MYO1E: variants seen among roughly 807,000 people sequenced by gnomAD.
MYO1E encodes unconventional myosin-Ie.
Under a neutral mutation model 151.1 loss-of-function variants are expected in MYO1E, and 68 were observed. The ratio of observed to expected loss-of-function variants is 0.45; its 90% CI spans 0.37 to 0.55. The LOEUF (loss-of-function observed/expected upper bound fraction) is 0.55. MYO1E is among the 20% of genes least tolerant of loss of function. The pLI, the probability that MYO1E is intolerant of heterozygous loss-of-function variation, is 0.00. For missense variants in MYO1E, 1,363 were observed against 1,389.3 expected (o/e 0.98, Z 0.30); for synonymous variants, 601 against 501.7 (o/e 1.20, Z -2.64).
chr15:59,159,876 C>T lies in MYO1E; in HGVS notation c.2785+1197G>A, dbSNP rs1596346180. On this transcript the variant is annotated intron_variant, in intron 24 of 27. Coordinates refer to ENST00000288235, the MANE Select transcript of MYO1E (RefSeq NM_004998.4). The surrounding 1 kb of genome is among the most constrained non-coding windows in gnomAD (Gnocchi z 4.4). ...AATTAATTTTTGAGATGGAGTTTCG[C>T]TCTTGTTGCCCAGGCTGGTGTGCAA... 1.3e-5 allele frequency among the ~76,000 whole-genome samples: 2 copies of T among 152,154 alleles called. No individual in the cohort carries two copies. The highest frequency in any genetic ancestry group is 2.4e-5 in the African/African-American group (1 of 41,404).
At chr15:59,207,014 G>A (rs745340906) in intron 14 of MYO1E, 5 of 1,614,112 alleles carry the variant, frequency 3.1e-6, no homozygotes, top group African/African-American at 1.3e-5. Context: ...CTATGCCTGG[G>A]GATGGCCCTG....
At chr15:59,242,757 A>C (rs924994437) in intron 4 of MYO1E, among the ~76,000 whole-genome samples, 1 of 152,184 alleles carries the variant, frequency 6.6e-6, no homozygotes, top group East Asian at 1.9e-4. Context: ...AATGAGAAGA[A>C]ACCTAGCAGA....
chr15:59,239,428 G>C (rs2080086861), intron 4 of MYO1E, among the ~76,000 whole-genome samples: 1 of 151,116 alleles, frequency 6.6e-6, no homozygotes, highest in Non-Finnish European at 1.5e-5. Flanking sequence ...AACAAGCTGG[G>C]AAAGAGAGAG....
At chr15:59,296,257 C>T (rs531376589) in intron 1 of MYO1E, among the ~76,000 whole-genome samples, 1 of 152,340 alleles carries the variant, frequency 6.6e-6, no homozygotes, top group South Asian at 2.1e-4. Context: ...CCCATTTTAA[C>T]TGATGCTTCC....
Position 59,217,417 on chromosome 15 carries a change from G to GA in MYO1E, c.1107+473dup, listed in dbSNP as rs569062129. Among the ~76,000 whole-genome samples, 279 of 150,236 alleles carry GA rather than the reference G, an allele frequency of 1.9e-3. 1 individual carries two copies. Among genetic ancestry groups the GA allele is most frequent in the African/African-American group, 6.4e-3 (263 of 40,874 alleles). ...GTATCTTGGTGGGCAGTTCTAGAAG[G>GA]AAAAGCAGGATTCAGTAATCACAGA... On this transcript the variant is annotated intron_variant, in intron 10 of 27. Transcript: ENST00000288235.
In MYO1E at chr15:59,196,577, C is replaced by T. The variant is rs1259604818; in HGVS notation, c.1699-1010G>A. ...AAGAGATTTGCTTGCAAGACACAAC[C>T]CTGTCTCAATTAGGACTTTTCTGTT... On this transcript the variant is annotated intron_variant, in intron 16 of 27. Transcript: ENST00000288235. 3.3e-5 allele frequency among the ~76,000 whole-genome samples: 5 copies of T among 152,184 alleles called. No homozygotes were observed. The South Asian group carries it at 6.2e-4, about 19-fold the overall frequency.
intron 1 of MYO1E, among the ~76,000 whole-genome samples, chr15:59,288,785 G>T (rs4775148): frequency 0.5 from 76,205 of 152,010 alleles, 20,635 homozygotes; most frequent in Middle Eastern, 0.67. Context: ...ATTTGAATAT[G>T]GGATTCTGAG....
rs376673277 is a variant in MYO1E at position 59,188,227 on chromosome 15, G to C, written c.1806-11C>G. ...ACTTGATGCTTTACCCTGTGCAAAGGAGAAAATGGGGCCTGGACATTACTG... is the reference window on the plus strand; with the variant it reads ...ACTTGATGCTTTACCCTGTGCAAAGCAGAAAATGGGGCCTGGACATTACTG... On this transcript the variant is annotated splice_polypyrimidine_tract_variant and intron_variant, in intron 17 of 27. Transcript: ENST00000288235. The C allele has an allele frequency of 2.5e-6, 4 of 1,604,288 alleles. No homozygotes were observed. The African/African-American group carries it at 4.0e-5, about 16-fold the overall frequency.
chr15:59,365,743 C>A (rs1033674144), intron 1 of MYO1E, among the ~76,000 whole-genome samples: 9 of 152,062 alleles, frequency 5.9e-5, no homozygotes, highest in African/African-American at 1.9e-4. Context: ...CTCAAAAGAC[C>A]CAAGAGAGTG....
rs373911860 is a variant in MYO1E at position 59,163,318 on chromosome 15, G to C, written c.2481-15C>G. On this transcript the variant is annotated splice_polypyrimidine_tract_variant and intron_variant, in intron 22 of 27. Coordinates refer to ENST00000288235, the MANE Select transcript of MYO1E (RefSeq NM_004998.4). ...CCTGCATAGTACTGTAAAGAGATTG[G>C]ACAAACACACTTGGTGAAAGCTGTG... 1 of 1,611,678 alleles carries C rather than the reference G, an allele frequency of 6.2e-7. No individual in the cohort carries two copies. Among genetic ancestry groups the C allele is most frequent in the Non-Finnish European group, 8.5e-7 (1 of 1,178,742 alleles).
intron 4 of MYO1E, among the ~76,000 whole-genome samples, chr15:59,251,410 A>G (rs1246638874): frequency 6.6e-6 from 1 of 152,254 alleles, no homozygotes; most frequent in Non-Finnish European, 1.5e-5. Context: ...TAATAGGGCA[A>G]TTGTGGTAGG....
chr15:59,184,768 T>G (rs2079685820), intron 18 of MYO1E, among the ~76,000 whole-genome samples: 1 of 152,240 alleles, frequency 6.6e-6, no homozygotes, highest in African/African-American at 2.4e-5. Flanking sequence ...ACATATCTCT[T>G]TGATATCCTG....
At chr15:59,257,643 T>C (rs1347834554) in intron 3 of MYO1E, among the ~76,000 whole-genome samples, 1 of 152,020 alleles carries the variant, frequency 6.6e-6, no homozygotes, top group East Asian at 1.9e-4. Flanking sequence ...GATGAGAGTT[T>C]GGTGGGGAGG....
chr15:59,290,263 G>A (rs778496392), intron 1 of MYO1E, among the ~76,000 whole-genome samples: 10 of 152,296 alleles, frequency 6.6e-5, no homozygotes, highest in South Asian at 2.1e-4. Flanking sequence ...AATATCTCAC[G>A]GGAGATGTCC....
chr15:59,225,760 C>T (rs1347414191), intron 7 of MYO1E, among the ~76,000 whole-genome samples: 2 of 151,848 alleles, frequency 1.3e-5, no homozygotes, highest in African/African-American at 2.4e-5. Flanking sequence ...CATTCTCCTG[C>T]CTCAGCCTCC....
In MYO1E at chr15:59,227,586, T is replaced by A; in HGVS notation, c.515A>T (p.Lys172Ile). ...TGGACTGAACTGGATTTCAAAGTAT[T>A]TTCCCTGCAAGAAAGTTAGGGATTT... ...VRNNNSSRFGKYFEIQFSPGG... is the reference protein window; with the variant it reads ...VRNNNSSRFGIYFEIQFSPGG... Residue 172 changes from lysine (K) to isoleucine (I), a missense_variant, in exon 7 of 28, where the codon AAA (lysine) becomes ATA (isoleucine). By Grantham distance (102) the Lys-to-Ile change is moderately radical. Coordinates refer to ENST00000288235, the MANE Select transcript of MYO1E (RefSeq NM_004998.4). 8 of 1,614,102 alleles carry A rather than the reference T, an allele frequency of 5.0e-6. No homozygotes were observed. The highest frequency in any genetic ancestry group is 6.8e-6 in the Non-Finnish European group (8 of 1,180,000).
chr15:59,217,116 C>T lies in MYO1E; in HGVS notation c.1107+775G>A, dbSNP rs182661591. On this transcript the variant is annotated intron_variant, in intron 10 of 27. Transcript: ENST00000288235. ...ACCACAGTTCCAATCAGCTTCCTGA[C>T]TGCAACCTCGTCTTTGAGTCAGAAC... 5.9e-5 allele frequency among the ~76,000 whole-genome samples: 9 copies of T among 152,292 alleles called. No homozygotes were observed. The South Asian group carries it at 8.3e-4, about 14-fold the overall frequency.
intron 1 of MYO1E, among the ~76,000 whole-genome samples, chr15:59,305,307 C>A (rs2080508351): frequency 6.6e-6 from 1 of 152,186 alleles, no homozygotes; most frequent in South Asian, 2.1e-4. Flanking sequence ...AATCCTCCCA[C>A]CTCGGCCTTC....
At chr15:59,200,019 T>C (rs191817743) in intron 16 of MYO1E, among the ~76,000 whole-genome samples, 3 of 152,296 alleles carry the variant, frequency 2.0e-5, no homozygotes, top group Admixed American at 6.5e-5. Flanking sequence ...TGACTTCAGC[T>C]TGACCTCCCT....
Sources: allele counts gnomAD v4.1 joint callset (sites outside exome capture counted in the v4.1 genomes callset), GRCh38; gene constraint gnomAD v4.1.1; non-coding constraint Gnocchi (gnomAD v3.1); transcripts MANE v1.5; gene names NCBI Gene and HGNC (gene_info 2026-07-23, HGNC 2026-07-21).